The following PPP2R5E variants were observed in gnomAD, a reference collection of about 807,000 sequenced individuals.
PPP2R5E encodes the protein serine/threonine-protein phosphatase 2A 56 kDa regulatory subunit epsilon isoform.
Under a neutral mutation model 65.3 loss-of-function variants are expected in PPP2R5E, and 4 were observed. The ratio of observed to expected loss-of-function variants is 0.06; its 90% CI spans 0.03 to 0.14. PPP2R5E has a LOEUF of 0.14. PPP2R5E is among the 10% of genes least tolerant of loss of function. The pLI is 1.00. For synonymous variants in PPP2R5E, 183 were observed against 187.4 expected (o/e 0.98, Z 0.19); for missense variants, 274 against 556.1 (o/e 0.49, Z 5.10).
intron 13 of PPP2R5E, among the ~76,000 whole-genome samples, chr14:63,377,645 TATC>T (rs1884066475): frequency 1.3e-5 from 2 of 152,226 alleles, no homozygotes; most frequent in South Asian, 4.1e-4. Flanking sequence ...TGGTAATTAA[TATC>T]ATGATCTAAT....
intron 2 of PPP2R5E, among the ~76,000 whole-genome samples, chr14:63,522,071 G>A (rs1202899985): frequency 3.3e-5 from 5 of 150,810 alleles, no homozygotes; most frequent in East Asian, 2.0e-4. Flanking sequence ...AGCTTGCCGA[G>A]TGCCTGCGAT....
At chr14:63,531,928 G>C (rs1358290946) in intron 2 of PPP2R5E, among the ~76,000 whole-genome samples, 2 of 151,206 alleles carry the variant, frequency 1.3e-5, no homozygotes, top group East Asian at 3.9e-4. Context: ...ACTCCAGCCT[G>C]GGCAACAAGA....
chr14:63,424,957 CG>C (rs1356537769), intron 3 of PPP2R5E, among the ~76,000 whole-genome samples: 11 of 151,872 alleles, frequency 7.2e-5, no homozygotes, highest in Non-Finnish European at 1.5e-4. Context: ...AGCATAGAGC[CG>C]TATCTATTGG....
At position 63,530,618 on chromosome 14, in the gene PPP2R5E, G is replaced by A. The variant is rs375547374; in HGVS notation, c.157+8911C>T. Among the ~76,000 whole-genome samples the A allele has an allele frequency of 1.0e-4, 15 of 144,874 alleles. No homozygotes were observed. The East Asian group carries it at 1.4e-3, about 14-fold the overall frequency. Reference sequence around the variant, plus strand: ...AAGTGATGAATATATCAGGTACACTGACTCTCAATTTCTTTTTTTTTTTTT... The same window carrying A: ...AAGTGATGAATATATCAGGTACACTAACTCTCAATTTCTTTTTTTTTTTTT... On this transcript the variant is annotated intron_variant, in intron 2 of 13. Coordinates refer to ENST00000337537, the MANE Select transcript of PPP2R5E (RefSeq NM_006246.5).
intron 2 of PPP2R5E, among the ~76,000 whole-genome samples, chr14:63,455,946 T>C (rs189964752): frequency 6.6e-6 from 1 of 152,308 alleles, no homozygotes; most frequent in Non-Finnish European, 1.5e-5. Flanking sequence ...TTTGTATTTT[T>C]AGTAAAGACA....
At chr14:63,377,070 T>C (rs144817100) in intron 13 of PPP2R5E, among the ~76,000 whole-genome samples, 194 of 151,212 alleles carry the variant, frequency 1.3e-3, no homozygotes, top group African/African-American at 4.5e-3. Flanking sequence ...GGGGCGGAGA[T>C]TGTGGTGGAC....
chr14:63,434,284 T>C (rs1887847173), intron 3 of PPP2R5E, among the ~76,000 whole-genome samples: 1 of 151,794 alleles, frequency 6.6e-6, no homozygotes, highest in South Asian at 2.1e-4. Context: ...ACTCTAATCT[T>C]AGCCAAAATA....
At chr14:63,407,612 T>G (rs925748525) in intron 5 of PPP2R5E, among the ~76,000 whole-genome samples, 1 of 152,184 alleles carries the variant, frequency 6.6e-6, no homozygotes, top group African/African-American at 2.4e-5. Flanking sequence ...TCACACATAA[T>G]CACCCCCTTC....
At chr14:63,394,073 T>C in intron 7 of PPP2R5E, 145 bp from the exon 8 acceptor site, 9 of 168,952 alleles carry the variant, frequency 5.3e-5, no homozygotes, top group Admixed American at 8.1e-5. Flanking sequence ...GAATTTCCTT[T>C]TTTTTTTTTT....
At chr14:63,507,310 C>G (rs1189587819) in intron 2 of PPP2R5E, among the ~76,000 whole-genome samples, 1 of 152,144 alleles carries the variant, frequency 6.6e-6, no homozygotes, top group African/African-American at 2.4e-5. Flanking sequence ...AAGGCCCCTT[C>G]TAAAGACCTC....
intron 11 of PPP2R5E, among the ~76,000 whole-genome samples, chr14:63,386,470 G>A (rs1002681143): frequency 6.6e-6 from 1 of 152,184 alleles, no homozygotes; most frequent in African/African-American, 2.4e-5. Context: ...TCCCTAAAGA[G>A]TTCGCACACT....
intron 2 of PPP2R5E, among the ~76,000 whole-genome samples, chr14:63,479,849 A>G (rs1890603481): frequency 6.6e-6 from 1 of 152,322 alleles, no homozygotes; most frequent in East Asian, 1.9e-4. Flanking sequence ...ATGGTCAAAT[A>G]TTGGAAATTT....
Position 63,399,195 on chromosome 14 carries a change from A to G in PPP2R5E, c.550-2479T>C, listed in dbSNP as rs550757846. Among the ~76,000 whole-genome samples, 18 of 152,274 alleles carry G rather than the reference A, an allele frequency of 1.2e-4. No homozygotes were observed. The South Asian group carries it at 3.5e-3, about 30-fold the overall frequency. On this transcript the variant is annotated intron_variant, in intron 5 of 13. Transcript: ENST00000337537. Reference sequence around the variant, plus strand: ...TAAAAAGGAACAAAGTAACTGATACATGTTACAACATCAATGAATCTTTCA... The same window carrying G: ...TAAAAAGGAACAAAGTAACTGATACGTGTTACAACATCAATGAATCTTTCA...
intron 3 of PPP2R5E, among the ~76,000 whole-genome samples, chr14:63,429,179 T>C (rs1422444568): frequency 6.6e-6 from 1 of 152,212 alleles, no homozygotes; most frequent in African/African-American, 2.4e-5. Context: ...ATCATCTTTG[T>C]GATTTAGAAT....
intron 2 of PPP2R5E, among the ~76,000 whole-genome samples, chr14:63,538,384 C>A (rs543377157): frequency 6.6e-6 from 1 of 151,934 alleles, no homozygotes; most frequent in South Asian, 2.1e-4. Context: ...CTCGGCTTCC[C>A]GAGTAGCTGG....
intron 2 of PPP2R5E, among the ~76,000 whole-genome samples, chr14:63,476,779 T>G (rs1442418036): frequency 6.6e-6 from 1 of 152,124 alleles, no homozygotes. Context: ...AATCATAAAA[T>G]CATCTATAAA....
chr14:63,531,473 TA>T (rs1893431829), intron 2 of PPP2R5E, among the ~76,000 whole-genome samples: 1 of 130,448 alleles, frequency 7.7e-6, no homozygotes, highest in Non-Finnish European at 1.5e-5. Context: ...ATAATAATAA[TA>T]AAATTAAAAA....
chr14:63,411,583 C>G (rs1886388448), intron 5 of PPP2R5E, among the ~76,000 whole-genome samples: 1 of 143,964 alleles, frequency 6.9e-6, no homozygotes, highest in African/African-American at 2.6e-5. Context: ...GTGGGTCCCT[C>G]ATGAATGGCT....
intron 5 of PPP2R5E, among the ~76,000 whole-genome samples, chr14:63,405,679 C>T (rs1369436869): frequency 2.0e-5 from 3 of 152,158 alleles, no homozygotes; most frequent in Admixed American, 6.5e-5. Flanking sequence ...CACAATAATC[C>T]ACCCAATGAA....
Sources: gnomAD v4.1 joint callset for allele counts (sites outside exome capture counted in the v4.1 genomes callset) on GRCh38, gnomAD v4.1.1 for gene constraint, MANE v1.5 for transcripts, NCBI Gene and HGNC (gene_info 2026-07-23, HGNC 2026-07-21) for gene names.